Variants in TRIO observed in about 807,000 individuals in gnomAD.
The protein encoded by TRIO is trio Rho guanine nucleotide exchange factor.
In TRIO, 58 loss-of-function variants were observed where a neutral mutation model predicts 351.9. That is an observed-to-expected ratio of 0.16 (90% CI 0.13 to 0.21). The LOEUF (loss-of-function observed/expected upper bound fraction) is 0.21. Among genes scored for constraint, TRIO ranks in the 10% least tolerant of loss-of-function variants. TRIO has a pLI of 1.00. For missense variants in TRIO, 3,201 were observed against 4,027.8 expected, an observed-to-expected ratio of 0.79 and a Z score of 5.56; for synonymous variants, 1,758 against 1,595.7, an observed-to-expected ratio of 1.10 and a Z score of -2.42.
chr5:14,482,117 G>A (rs930242891), intron 45 of TRIO, among the ~76,000 whole-genome samples: 2 of 152,082 alleles, frequency 1.3e-5, no homozygotes, highest in Non-Finnish European at 2.9e-5. Context: ...ATTTGACTAC[G>A]GAGTTAAGGA....
At position 14,437,695 on chromosome 5, in the gene TRIO, GCC is replaced by G. The variant is rs1453149700; in HGVS notation, c.5203+17677_5203+17678del. Among the ~76,000 whole-genome samples, 22 of 103,664 alleles carry G rather than the reference GCC, an allele frequency of 2.1e-4. 1 individual carries two copies. The highest frequency in any genetic ancestry group is 8.2e-4 in the African/African-American group (22 of 26,818). 68.0% of individuals were successfully genotyped at this position (103,664 alleles called of 152,430 possible). A position where few individuals can be genotyped will look rare whatever the true frequency, so the allele number is the denominator to read the frequency against. On this transcript the variant is annotated intron_variant, in intron 34 of 56. Transcript: ENST00000344204. ...ATATTGGATGAGGACCACCCCCCCC[GCC>G]CCAAGGACCTCATTTTAACTCTTTC... is the stretch of plus-strand genomic sequence containing the variant.
At chr5:14,479,395 T>C in intron 42 of TRIO, 45 bp downstream of exon 42, 1 of 1,518,310 alleles carries the variant, frequency 6.6e-7, no homozygotes, top group Non-Finnish European at 9.0e-7. Context: ...AATCTTTTGT[T>C]CCAACTTATT....
In TRIO at chr5:14,489,031, G is replaced by A. The variant is rs371675525; in HGVS notation, c.7632+771G>A. On this transcript the variant is annotated intron_variant, in intron 48 of 56. Transcript: ENST00000344204. ...GTCCTACCCACCTGTTTCCTACAGGGCAGATGGCCTGGCCCGTAACACTTT... is the reference window on the plus strand; with the variant it reads ...GTCCTACCCACCTGTTTCCTACAGGACAGATGGCCTGGCCCGTAACACTTT... 1.1e-4 allele frequency: 84 copies of A among 765,274 alleles called. No homozygotes were observed. The African/African-American group carries it at 1.2e-3, about 11-fold the overall frequency. The allele number at this position is 765,274 out of a possible 1,614,324, so 47.4% of individuals were successfully genotyped here. A position where few individuals can be genotyped will look rare whatever the true frequency, so the allele number is the denominator to read the frequency against.
chr5:14,328,540 A>T (rs1438493146), intron 9 of TRIO, among the ~76,000 whole-genome samples: 4 of 152,266 alleles, frequency 2.6e-5, no homozygotes, highest in Non-Finnish European at 5.9e-5. Flanking sequence ...TGGACTCAAT[A>T]CTCTAGTTAA....
chr5:14,390,209 A>C (rs1315772481), intron 25 of TRIO, 22 bp from the exon 26 acceptor site: 2 of 1,609,674 alleles, frequency 1.2e-6, no homozygotes, highest in East Asian at 4.5e-5. Context: ...TTGTAATATG[A>C]TACCATTTTT....
intron 46 of TRIO, among the ~76,000 whole-genome samples, 182 bp downstream of exon 46, chr5:14,482,955 C>T (rs1378422924): frequency 2.0e-5 from 3 of 152,222 alleles, no homozygotes; most frequent in Admixed American, 1.3e-4. Context: ...TCTTGAGTGG[C>T]TGATGTCTTG....
chr5:14,254,986 C>G (rs1471714450), intron 1 of TRIO, among the ~76,000 whole-genome samples: 1 of 152,094 alleles, frequency 6.6e-6, no homozygotes, highest in Non-Finnish European at 1.5e-5. Flanking sequence ...TTTAGTCTCA[C>G]ACTTTTAAAG....
intron 18 of TRIO, 150 bp from the exon 19 acceptor site, chr5:14,374,079 A>G (rs1745351719): frequency 1.9e-6 from 1 of 528,198 alleles, no homozygotes; most frequent in African/African-American, 2.0e-5. Context: ...TTTTAATTGA[A>G]TTAGATTTTA....
intron 37 of TRIO, 116 bp from the exon 38 acceptor site, chr5:14,471,202 A>G (rs1053916391): frequency 1.7e-5 from 22 of 1,311,772 alleles, no homozygotes; most frequent in African/African-American, 4.4e-5. Flanking sequence ...CAAAGATTTT[A>G]TAATTTCACA....
intron 1 of TRIO, among the ~76,000 whole-genome samples, chr5:14,209,383 C>T (rs778464231): frequency 6.6e-6 from 1 of 152,204 alleles, no homozygotes; most frequent in Admixed American, 6.5e-5. Flanking sequence ...TGATGCCACC[C>T]GTGAGCTCTT....
chr5:14,271,469 A>C (rs1053046858), intron 2 of TRIO, among the ~76,000 whole-genome samples: 1 of 152,186 alleles, frequency 6.6e-6, no homozygotes, highest in Non-Finnish European at 1.5e-5. Context: ...GCCCGCCCGC[A>C]GACAGACTCT....
chr5:14,467,341 G>A (rs1754333948), intron 37 of TRIO, among the ~76,000 whole-genome samples: 1 of 152,142 alleles, frequency 6.6e-6, no homozygotes, highest in Non-Finnish European at 1.5e-5. Context: ...AATGAAACTG[G>A]TTGACTGAGT....
chr5:14,441,609 CT>C (rs1337181150), intron 34 of TRIO, among the ~76,000 whole-genome samples: 1 of 152,130 alleles, frequency 6.6e-6, no homozygotes, highest in Non-Finnish European at 1.5e-5. Flanking sequence ...GTTGTAAGAC[CT>C]TTTTAATATC....
chr5:14,143,954 CG>C, intron 1 of TRIO, 72 bp downstream of exon 1: 1 of 1,000,332 alleles, frequency 1.0e-6, no homozygotes. Context: ...GCGGAGCTGC[CG>C]AGCTCCGGCC....
chr5:14,508,694 A>G lies in TRIO; in HGVS notation c.*272A>G. Reference sequence around the variant, plus strand: ...GGTTTCTGCAAAAAAATAAAAAGATAACTTTTTTAAACAAACATGAATAGA... The same window carrying G: ...GGTTTCTGCAAAAAAATAAAAAGATGACTTTTTTAAACAAACATGAATAGA... On this transcript the variant is annotated 3_prime_UTR_variant, in exon 57 of 57. Transcript: ENST00000344204. 1 of 362,136 alleles carries G rather than the reference A, an allele frequency of 2.8e-6. No homozygotes were observed. The highest frequency in any genetic ancestry group is 4.9e-6 in the Non-Finnish European group (1 of 202,560). 22.4% of individuals were successfully genotyped at this position (362,136 alleles called of 1,614,324 possible).
At chr5:14,229,923 T>G (rs975941844) in intron 1 of TRIO, among the ~76,000 whole-genome samples, 5 of 152,156 alleles carry the variant, frequency 3.3e-5, no homozygotes, top group African/African-American at 2.4e-5. Context: ...CTTCTTTGAG[T>G]CAGTCTTGCT....
chr5:14,478,786 C>CAAA (rs1187243670), intron 41 of TRIO, among the ~76,000 whole-genome samples: 151 of 94,962 alleles, frequency 1.6e-3, no homozygotes, highest in African/African-American at 5.6e-3. Flanking sequence ...TCCATCCCTA[C>CAAA]AAAAAAAAAA....
chr5:14,406,100 AT>A, intron 32 of TRIO, 110 bp downstream of exon 32: 1 of 1,448,334 alleles, frequency 6.9e-7, no homozygotes, highest in Non-Finnish European at 9.2e-7. Flanking sequence ...TGAGGAATAC[AT>A]TTTTTAAACT....
chr5:14,437,331 G>C (rs983356811), intron 34 of TRIO, among the ~76,000 whole-genome samples: 3 of 152,272 alleles, frequency 2.0e-5, no homozygotes, highest in African/African-American at 7.2e-5. Context: ...TCAAAAAGCT[G>C]TTTTTCAAAG....
Sources: gnomAD v4.1 joint callset for allele counts (sites outside exome capture counted in the v4.1 genomes callset) on GRCh38, gnomAD v4.1.1 for gene constraint, MANE v1.5 for transcripts, NCBI Gene and HGNC (gene_info 2026-07-23, HGNC 2026-07-21) for gene names.